The following LRMDA variants were observed in gnomAD, a reference collection of about 807,000 sequenced individuals.
LRMDA encodes the protein leucine-rich melanocyte differentiation-associated protein.
LRMDA carries 18 observed loss-of-function variants against 29.8 expected under a neutral mutation model. The ratio of observed to expected loss-of-function variants is 0.60; its 90% confidence interval spans 0.42 to 0.90. The LOEUF (loss-of-function observed/expected upper bound fraction) is 0.90, where lower values mean the gene tolerates loss of function less well. Ranked by LOEUF, LRMDA falls within the 40% of genes least tolerant of loss-of-function variation. The probability of loss-of-function intolerance (pLI) is 0.00; values close to 1 mark genes in which losing one functional copy is unlikely to be tolerated. For synonymous variants in LRMDA, 125 were observed against 109.4 expected, an observed-to-expected ratio of 1.14 and a Z score of -0.89; for missense variants, 273 against 273.9, an observed-to-expected ratio of 1.00 and a Z score of 0.02.
At chr10:76,205,109 A>G (rs1449215699) in intron 5 of LRMDA, among the ~76,000 whole-genome samples, 2 of 152,212 alleles carry the variant, frequency 1.3e-5, no homozygotes, top group Admixed American at 6.5e-5. Flanking sequence ...GAGGATGCCT[A>G]GGTCCCAAGA....
intron 2 of LRMDA, among the ~76,000 whole-genome samples, chr10:75,780,753 G>A (rs1458895146): frequency 3.3e-5 from 5 of 152,106 alleles, no homozygotes; most frequent in African/African-American, 1.2e-4. Flanking sequence ...GAGAGCAGGC[G>A]AGTCTCCCTG....
chr10:75,831,103 T>A (rs1483366868), intron 2 of LRMDA, among the ~76,000 whole-genome samples: 1 of 152,012 alleles, frequency 6.6e-6, no homozygotes, highest in East Asian at 1.9e-4. Context: ...TGGAGTGCAG[T>A]GGCGTGATCT....
chr10:75,728,915 C>T (rs965542635), intron 2 of LRMDA, among the ~76,000 whole-genome samples: 12 of 151,960 alleles, frequency 7.9e-5, no homozygotes, highest in African/African-American at 2.9e-4. Flanking sequence ...ATGCTGAGCC[C>T]CTCTCATCGT....
At chr10:76,446,736 C>G (rs1160393406) in intron 6 of LRMDA, among the ~76,000 whole-genome samples, 1 of 152,160 alleles carries the variant, frequency 6.6e-6, no homozygotes, top group Non-Finnish European at 1.5e-5. Flanking sequence ...CAAGAAAAAG[C>G]AGGTTGGAGC....
chr10:75,601,625 G>A (rs545007587), intron 2 of LRMDA, among the ~76,000 whole-genome samples: 6 of 152,228 alleles, frequency 3.9e-5, no homozygotes, highest in African/African-American at 1.4e-4. Context: ...AGAAACATTA[G>A]GGACTTGCTT....
At chr10:75,692,265 A>G (rs1842174058) in intron 2 of LRMDA, among the ~76,000 whole-genome samples, 1 of 128,840 alleles carries the variant, frequency 7.8e-6, no homozygotes, top group Admixed American at 7.6e-5. Context: ...TATATTTTAT[A>G]TAAATATATA....
At chr10:76,494,991 A>C (rs1289071540) in intron 6 of LRMDA, among the ~76,000 whole-genome samples, 1 of 151,806 alleles carries the variant, frequency 6.6e-6, no homozygotes, top group Non-Finnish European at 1.5e-5. Context: ...TCATATAGCA[A>C]ATTTTTAAAA....
intron 2 of LRMDA, among the ~76,000 whole-genome samples, chr10:75,736,959 C>G (rs570289665): frequency 2.0e-5 from 3 of 152,216 alleles, no homozygotes; most frequent in Admixed American, 6.5e-5. Flanking sequence ...GGATGGGGAA[C>G]ACGGCTGATT....
chr10:76,358,605 G>C (rs893111978), intron 6 of LRMDA, among the ~76,000 whole-genome samples: 2 of 152,208 alleles, frequency 1.3e-5, no homozygotes, highest in African/African-American at 4.8e-5. Flanking sequence ...AAATGGCTAA[G>C]GGTTGGGGTA....
intron 6 of LRMDA, among the ~76,000 whole-genome samples, chr10:76,540,210 G>C (rs1337264238): frequency 6.6e-6 from 1 of 150,518 alleles, no homozygotes; most frequent in Non-Finnish European, 1.5e-5. Flanking sequence ...ATGTGCACAT[G>C]TGCACACATT....
At chr10:75,629,093 G>T (rs1176949437) in intron 2 of LRMDA, among the ~76,000 whole-genome samples, 1 of 152,160 alleles carries the variant, frequency 6.6e-6, no homozygotes, top group African/African-American at 2.4e-5. Flanking sequence ...CTCTCTTCTT[G>T]CTCTTGTTAG....
intron 2 of LRMDA, among the ~76,000 whole-genome samples, chr10:75,588,385 C>G (rs1840681454): frequency 6.6e-6 from 1 of 152,154 alleles, no homozygotes. Context: ...GGCTTGTAGT[C>G]CTTTTGTCAA....
chr10:75,627,415 G>T (rs940096439), intron 2 of LRMDA, among the ~76,000 whole-genome samples: 2 of 152,178 alleles, frequency 1.3e-5, no homozygotes, highest in Non-Finnish European at 2.9e-5. Flanking sequence ...GGAAAAAGAT[G>T]ATTTTTAGAA....
intron 2 of LRMDA, among the ~76,000 whole-genome samples, chr10:75,625,841 A>G (rs2915027): frequency 0.5 from 75,082 of 151,646 alleles, 21,143 homozygotes; most frequent in Non-Finnish European, 0.63. Flanking sequence ...TATACTTTTA[A>G]TTTTTAAAGT....
intron 2 of LRMDA, among the ~76,000 whole-genome samples, chr10:75,885,374 A>G (rs1179333287): frequency 6.6e-6 from 1 of 152,022 alleles, no homozygotes; most frequent in African/African-American, 2.4e-5. Context: ...TCTACCTACT[A>G]GTTGTGTGAC....
intron 5 of LRMDA, among the ~76,000 whole-genome samples, chr10:76,264,521 G>C (rs144047615): frequency 4.0e-5 from 6 of 149,524 alleles, no homozygotes; most frequent in African/African-American, 1.5e-4. Context: ...TTAGTTGAAG[G>C]CATGTCCACT....
intron 5 of LRMDA, among the ~76,000 whole-genome samples, chr10:76,074,896 T>C (rs374612440): frequency 3.3e-5 from 5 of 152,190 alleles, no homozygotes; most frequent in Admixed American, 2.0e-4. Context: ...TGATAACTCC[T>C]TGATGGAGAG....
chr10:75,468,682 G>T (rs930651598), intron 2 of LRMDA, among the ~76,000 whole-genome samples: 1 of 152,018 alleles, frequency 6.6e-6, no homozygotes, highest in Non-Finnish European at 1.5e-5. Context: ...AGGTCTTTGC[G>T]GGGGGCTGTC....
intron 2 of LRMDA, among the ~76,000 whole-genome samples, chr10:75,483,867 G>GTTTTTTTTTTTT (rs548925147): frequency 8.4e-6 from 1 of 119,150 alleles, no homozygotes; most frequent in Non-Finnish European, 1.7e-5. Context: ...GTATGGAGAG[G>GTTTTTTTTTTTT]TTTTTTTTTT....
Sources: allele counts gnomAD v4.1 joint callset (sites outside exome capture counted in the v4.1 genomes callset), GRCh38; gene constraint gnomAD v4.1.1; transcripts MANE v1.5; gene names NCBI Gene and HGNC (gene_info 2026-07-23, HGNC 2026-07-21).